KLRC1: variants seen among roughly 807,000 people sequenced by gnomAD.
KLRC1 encodes NKG2-A/NKG2-B type II integral membrane protein.
KLRC1 carries 22 observed loss-of-function variants against 25.9 expected under a neutral mutation model. The ratio of observed to expected loss-of-function variants is 0.85; its 90% confidence interval spans 0.61 to 1.21. The LOEUF (loss-of-function observed/expected upper bound fraction) is 1.21. Ranked by LOEUF, KLRC1 falls within the 50% of genes most tolerant of loss-of-function variation. KLRC1 has a pLI of 0.00. For missense variants in KLRC1, 240 were observed against 272.2 expected (o/e 0.88, Z 0.83); for synonymous variants, 77 against 93.1 (o/e 0.83, Z 0.99).
Position 10,449,281 on chromosome 12 carries a change from A to C in KLRC1, c.445T>G (p.Ser149Ala). The change falls in exon 5 of 7, where the codon TCG (serine) becomes GCG (alanine). Residue 149 changes from serine (S) to alanine (A), a missense_variant. Ser to Ala is a moderately conservative substitution (Grantham distance 99). Transcript: ENST00000359151. ...ATAGAAAGCAGACTGGAGTTCTTCG[A>C]AGTACAGGCCAGCAAACTCTCTTCC... ...TWEESLLACT[S>A]KNSSLLSIDN... 6.2e-7 allele frequency: 1 copy of C among 1,613,992 alleles called. No homozygotes were observed. The highest frequency in any genetic ancestry group is 8.5e-7 in the Non-Finnish European group (1 of 1,179,928).
intron 3 of KLRC1, 70 bp from the exon 4 acceptor site, chr12:10,450,037 G>C (rs1038555305): frequency 9.1e-7 from 1 of 1,101,366 alleles, no homozygotes; most frequent in Non-Finnish European, 1.2e-6. Flanking sequence ...TTAAGTTTTT[G>C]TTTGAATTTT....
intron 1 of KLRC1, among the ~76,000 whole-genome samples, chr12:10,452,040 T>A (rs1395018884): frequency 6.6e-6 from 1 of 151,754 alleles, no homozygotes; most frequent in Non-Finnish European, 1.5e-5. Context: ...AATTATTTAT[T>A]AAAAATTATA....
chr12:10,453,179 G>C lies in KLRC1; in HGVS notation c.-32+19C>G, dbSNP rs1421931756. The C allele has an allele frequency of 1.0e-6, 1 of 976,250 alleles. No homozygotes were observed. Among genetic ancestry groups the C allele is most frequent in the African/African-American group, 1.8e-5 (1 of 57,042 alleles). 60.5% of individuals were successfully genotyped at this position (976,250 alleles called of 1,614,324 possible). ...AAATGAGGTAGGCTAGTAGAGAGTT[G>C]GAGAGTAGCAATACATACCTTCTGT... On this transcript the variant is annotated intron_variant, in intron 1 of 6. Transcript: ENST00000359151.
downstream of KLRC1, among the ~76,000 whole-genome samples, chr12:10,445,383 TAA>T (rs67982604): frequency 0.33 from 50,557 of 151,688 alleles, 10,974 homozygotes; most frequent in African/African-American, 0.62. Flanking sequence ...TTACAATTGA[TAA>T]AATCTATTAG....
intron 2 of KLRC1, 118 bp from the exon 3 acceptor site, chr12:10,450,697 C>A: frequency 1.5e-6 from 1 of 669,484 alleles, no homozygotes. Context: ...GGACCCCAAA[C>A]CCTCATCTCC....
At chr12:10,445,167 C>A (rs994934391), downstream of KLRC1, among the ~76,000 whole-genome samples, 3 of 151,848 alleles carry the variant, frequency 2.0e-5, no homozygotes, top group African/African-American at 7.3e-5. Context: ...ATCCACCGGC[C>A]TCAGTCTCCC....
chr12:10,444,608 C>T (rs11053802), downstream of KLRC1, among the ~76,000 whole-genome samples: 83,523 of 152,020 alleles, frequency 0.55, 25,276 homozygotes, highest in Non-Finnish European at 0.68. Context: ...CATTACCAAA[C>T]GCAGTGCATC....
In KLRC1 at chr12:10,453,369, C is replaced by T. The variant is rs919337968; in HGVS notation, c.-203G>A. Reference sequence around the variant, plus strand: ...TGCCCTGTGAAGGCTCAGAGTGAGTCAAGAGTGGAAAAAGTAGATTTCTCA... The same window carrying T: ...TGCCCTGTGAAGGCTCAGAGTGAGTTAAGAGTGGAAAAAGTAGATTTCTCA... On this transcript the variant is annotated 5_prime_UTR_variant, in exon 1 of 7. Transcript: ENST00000359151. 58 of 985,212 alleles carry T rather than the reference C, an allele frequency of 5.9e-5. No homozygotes were observed. The highest frequency in any genetic ancestry group is 7.0e-5 in the Non-Finnish European group (58 of 829,856). The allele number at this position is 985,212 out of a possible 1,614,324, so 61.0% of individuals were successfully genotyped here.
At chr12:10,451,660 A>AC (rs1224688793) in intron 1 of KLRC1, among the ~76,000 whole-genome samples, 1 of 151,918 alleles carries the variant, frequency 6.6e-6, no homozygotes, top group Non-Finnish European at 1.5e-5. Flanking sequence ...CGACTCAAAA[A>AC]AAAAAGATAA....
chr12:10,453,479 T>C (rs1039259768), upstream of KLRC1: 30 of 383,760 alleles, frequency 7.8e-5, no homozygotes, highest in Non-Finnish European at 1.0e-4. Flanking sequence ...ACCTCCAAAA[T>C]ATAGGATACT....
intron 2 of KLRC1, 137 bp from the exon 3 acceptor site, chr12:10,450,716 T>A: frequency 1.6e-6 from 1 of 641,398 alleles, no homozygotes. Context: ...CCCATTGTAA[T>A]CTTTTTCTCA....
Position 10,453,230 on chromosome 12 carries a change from T to C in KLRC1, c.-64A>G, listed in dbSNP as rs374670728. The C allele has an allele frequency of 2.0e-6, 2 of 985,224 alleles. No individual in the cohort carries two copies. 61.0% of individuals were successfully genotyped at this position (985,224 alleles called of 1,614,324 possible). On this transcript the variant is annotated 5_prime_UTR_variant, in exon 1 of 7. Coordinates refer to ENST00000359151, the MANE Select transcript of KLRC1 (RefSeq NM_002259.5). ...CCCCAGAAAGTCACACATCCTTTAGTGGAGAGGCCAGGTTAGTCTCATAAA... is the reference window on the plus strand; with the variant it reads ...CCCCAGAAAGTCACACATCCTTTAGCGGAGAGGCCAGGTTAGTCTCATAAA...
downstream of KLRC1, among the ~76,000 whole-genome samples, chr12:10,445,639 C>G (rs889378331): frequency 6.6e-6 from 1 of 151,932 alleles, no homozygotes; most frequent in African/African-American, 2.4e-5. Flanking sequence ...AAAGTGTGAT[C>G]ATGTGCAGAT....
chr12:10,452,550 G>A (rs1246352060), intron 1 of KLRC1, among the ~76,000 whole-genome samples: 1 of 152,070 alleles, frequency 6.6e-6, no homozygotes, highest in African/African-American at 2.4e-5. Flanking sequence ...TTCTCAATAA[G>A]CATTAGCTAC....
At chr12:10,444,044 T>G (rs548698858), downstream of KLRC1, among the ~76,000 whole-genome samples, 1 of 135,420 alleles carries the variant, frequency 7.4e-6, no homozygotes, top group South Asian at 2.3e-4. Context: ...ATGGGTGAAA[T>G]AAATTATCAA....
In KLRC1 at chr12:10,449,956, G is replaced by A; in HGVS notation, c.295C>T (p.Gln99Ter). 2 of 1,478,540 alleles carry A rather than the reference G, an allele frequency of 1.4e-6. No homozygotes were observed. The highest frequency in any genetic ancestry group is 9.0e-7 in the Non-Finnish European group (1 of 1,110,972). 91.6% of individuals were successfully genotyped at this position (1,478,540 alleles called of 1,614,324 possible). Residue 99 changes from glutamine (Q) to a stop codon, truncating the protein, a stop_gained, in exon 4 of 7, where the codon CAG becomes TAG. Transcript: ENST00000359151. LOFTEE classifies it high-confidence loss of function. ...TIVVIPSTLI[Q>*]RHNNSSLNTR... is the part of the protein sequence containing the mutation. ...TTCAGGGAAGAATTGTTGTGCCTCT[G>A]TATTAATGTAGCTAGAAAAATTAAA...
chr12:10,444,914 A>ATTT (rs748521358), downstream of KLRC1, among the ~76,000 whole-genome samples: 11 of 89,114 alleles, frequency 1.2e-4, no homozygotes, highest in Non-Finnish European at 1.6e-4. Flanking sequence ...ATATGCACTA[A>ATTT]TTTTTTTTTT....
At chr12:10,450,004 C>A in intron 3 of KLRC1, 37 bp from the exon 4 acceptor site, 3 of 1,335,462 alleles carry the variant, frequency 2.2e-6, no homozygotes, top group Non-Finnish European at 3.0e-6. Flanking sequence ...AAAAAATTAG[C>A]ATCTAAATCA....
intron 3 of KLRC1, 49 bp downstream of exon 3, chr12:10,450,435 C>G: frequency 2.0e-6 from 2 of 1,000,798 alleles, no homozygotes; most frequent in Non-Finnish European, 3.1e-6. Flanking sequence ...GAGGCACATT[C>G]AATCATTAAC....
Sources: gnomAD v4.1 joint callset for allele counts (sites outside exome capture counted in the v4.1 genomes callset) on GRCh38, gnomAD v4.1.1 for gene constraint, MANE v1.5 for transcripts, NCBI Gene and HGNC (gene_info 2026-07-23, HGNC 2026-07-21) for gene names.